Variants in MRPL37 observed in about 807,000 individuals in gnomAD.
MRPL37 encodes mitochondrial ribosomal protein L37.
A neutral mutation model predicts 44.1 loss-of-function variants in MRPL37; 34 were observed. The observed-to-expected ratio is 0.77, with a 90% CI of 0.59 to 1.03. The LOEUF is 1.03. MRPL37 is among the 50% of genes least tolerant of loss of function. The probability of loss-of-function intolerance (pLI) is 0.00; values close to 1 mark genes in which losing one functional copy is unlikely to be tolerated. For synonymous variants in MRPL37, 212 were observed against 219.5 expected (o/e 0.97, Z 0.30); for missense variants, 532 against 543.7 (o/e 0.98, Z 0.21).
At chr1:54,211,319 C>T (rs1186474178) in intron 4 of MRPL37, among the ~76,000 whole-genome samples, 1 of 152,124 alleles carries the variant, frequency 6.6e-6, no homozygotes, top group African/African-American at 2.4e-5. Context: ...TCCTCAAAGG[C>T]AGTGGCAGGC....
chr1:54,217,959 C>T (rs138502809), intron 6 of MRPL37, among the ~76,000 whole-genome samples: 29 of 152,294 alleles, frequency 1.9e-4, no homozygotes, highest in African/African-American at 5.5e-4. Flanking sequence ...AGCAGAGCAG[C>T]GTCAACAGTT....
chr1:54,216,141 A>C lies in MRPL37; in HGVS notation c.991A>C (p.Asn331His). ...TTTCCTTGTCCCCTTTTCCTCTCAG[A>C]ATGATGCCAAGGTCTTGGAGCAGCC... ...ALAQARLLYG[N>H]DAKVLEQPVV... The change falls in exon 6 of 7, where the codon AAT becomes CAT. Residue 331 changes from asparagine (N) to histidine (H), a missense_variant and splice_region_variant. Asn to His is a moderately conservative substitution (Grantham distance 68, BLOSUM62 1). Coordinates refer to ENST00000360840, the MANE Select transcript of MRPL37 (RefSeq NM_016491.4). 1 of 1,614,102 alleles carries C rather than the reference A, an allele frequency of 6.2e-7. No individual in the cohort carries two copies. Among genetic ancestry groups the C allele is most frequent in the Non-Finnish European group, 8.5e-7 (1 of 1,180,030 alleles).
chr1:54,224,661 G>A (rs867069502), downstream of MRPL37, among the ~76,000 whole-genome samples: 2 of 137,282 alleles, frequency 1.5e-5, no homozygotes, highest in Non-Finnish European at 1.6e-5. Flanking sequence ...CACCCACCAC[G>A]GCATCCGCTC....
downstream of MRPL37, among the ~76,000 whole-genome samples, chr1:54,223,819 T>C (rs1644254045): frequency 6.6e-6 from 1 of 152,216 alleles, no homozygotes; most frequent in South Asian, 2.1e-4. Flanking sequence ...TTTCAGTATC[T>C]TTCCACTGGC....
At chr1:54,220,803 C>T (rs2100520111), downstream of MRPL37, 1 of 471,314 alleles carries the variant, frequency 2.1e-6, no homozygotes, top group South Asian at 1.5e-5. Context: ...CCGGGTCATG[C>T]TGGATAGCGA....
At chr1:54,225,182 T>C (rs910466428), downstream of MRPL37, 4 of 1,234,286 alleles carry the variant, frequency 3.2e-6, no homozygotes, top group East Asian at 3.2e-5. Context: ...AAATGGAAAA[T>C]GGCTTTTAGA....
chr1:54,215,980 G>A (rs1177758676), intron 5 of MRPL37, among the ~76,000 whole-genome samples, 161 bp from the exon 6 acceptor site: 3 of 152,138 alleles, frequency 2.0e-5, no homozygotes, highest in Non-Finnish European at 4.4e-5. Context: ...GCCCTGGACA[G>A]TGCCCTGAAC....
At chr1:54,204,991 T>A (rs754236118) in intron 1 of MRPL37, 27 bp from the exon 2 acceptor site, 1 of 1,590,830 alleles carries the variant, frequency 6.3e-7, no homozygotes, top group South Asian at 1.1e-5. Context: ...CTTTCCTTCT[T>A]TATTTTTGTG....
downstream of MRPL37, among the ~76,000 whole-genome samples, chr1:54,218,909 T>C (rs959286718): frequency 1.3e-5 from 2 of 152,270 alleles, no homozygotes; most frequent in Non-Finnish European, 2.9e-5. Context: ...ATGCCTAGCA[T>C]GTGCCATGCA....
chr1:54,212,914 G>T (rs1644174883), intron 5 of MRPL37, among the ~76,000 whole-genome samples: 2 of 152,198 alleles, frequency 1.3e-5, no homozygotes, highest in African/African-American at 4.8e-5. Context: ...TCTAAGCTAT[G>T]CCATAGAATT....
At chr1:54,204,955 G>A in intron 1 of MRPL37, 63 bp from the exon 2 acceptor site, 9 of 1,555,502 alleles carry the variant, frequency 5.8e-6, no homozygotes, top group Non-Finnish European at 7.8e-6. Context: ...CCTGGCAGGT[G>A]TAAGCATCTC....
chr1:54,211,840 A>G (rs2100510960), intron 4 of MRPL37, among the ~76,000 whole-genome samples: 1 of 152,276 alleles, frequency 6.6e-6, no homozygotes, highest in African/African-American at 2.4e-5. Context: ...AGTGATCCAG[A>G]TCACTTATTC....
chr1:54,212,734 A>G (rs1001583055), intron 5 of MRPL37, 76 bp downstream of exon 5: 50 of 1,579,144 alleles, frequency 3.2e-5, no homozygotes, highest in Non-Finnish European at 2.5e-5. Context: ...GCTCAGAGGA[A>G]GAAAAGGGAT....
At chr1:54,206,444 G>A (rs1010541364) in intron 3 of MRPL37, among the ~76,000 whole-genome samples, 2 of 130,308 alleles carry the variant, frequency 1.5e-5, no homozygotes, top group African/African-American at 5.8e-5. Context: ...GAGTCTTGCT[G>A]TGTCGCCCAG....
At chr1:54,218,029 C>A in intron 6 of MRPL37, 143 bp from the exon 7 acceptor site, 1 of 800,314 alleles carries the variant, frequency 1.2e-6, no homozygotes, top group Non-Finnish European at 2.1e-6. Flanking sequence ...CCCCTCAATG[C>A]CCCTTCTTAG....
At chr1:54,209,046 T>C (rs1038781110) in intron 3 of MRPL37, among the ~76,000 whole-genome samples, 11 of 152,224 alleles carry the variant, frequency 7.2e-5, no homozygotes, top group Admixed American at 6.5e-5. Flanking sequence ...AGGCATTGCT[T>C]CTTTCAGGGA....
chr1:54,218,303 G>A lies in MRPL37; in HGVS notation c.*54G>A. 1 of 1,612,990 alleles carries A rather than the reference G, an allele frequency of 6.2e-7. No individual in the cohort carries two copies. Among genetic ancestry groups the A allele is most frequent in the Non-Finnish European group, 8.5e-7 (1 of 1,179,654 alleles). On this transcript the variant is annotated 3_prime_UTR_variant, in exon 7 of 7. Coordinates refer to ENST00000360840, the MANE Select transcript of MRPL37 (RefSeq NM_016491.4). ...CCTCTTGCCTCTCTTCCACGGAAGA[G>A]GGCCTGGGCCCCGTGGAGCCTCAGT... is the stretch of plus-strand genomic sequence containing the variant.
intron 6 of MRPL37, 136 bp downstream of exon 6, chr1:54,216,480 T>C: frequency 9.8e-7 from 1 of 1,024,586 alleles, no homozygotes. Flanking sequence ...GATCTCTGCC[T>C]GGAGGACTCC....
rs1044255681 is a variant in MRPL37 at position 54,216,046 on chromosome 1, C to T, written c.991-95C>T. 1.8e-5 allele frequency: 23 copies of T among 1,285,846 alleles called. No individual in the cohort carries two copies. In the East Asian group the frequency reaches 2.3e-4, roughly 13 times the overall value. The allele number at this position is 1,285,846 out of a possible 1,614,324, so 79.7% of individuals were successfully genotyped here. A position where few individuals can be genotyped will look rare whatever the true frequency, so the allele number is the denominator to read the frequency against. ...AAGCCATTCAGTGGACGTAGGTGGA[C>T]GTTGTAAAGGGAAGAACTAGAAGCT... On this transcript the variant is annotated intron_variant, in intron 5 of 6. Coordinates refer to ENST00000360840, the MANE Select transcript of MRPL37 (RefSeq NM_016491.4).
Sources: allele counts gnomAD v4.1 joint callset (sites outside exome capture counted in the v4.1 genomes callset), GRCh38; gene constraint gnomAD v4.1.1; transcripts MANE v1.5; gene names NCBI Gene and HGNC (gene_info 2026-07-23, HGNC 2026-07-21).